SCLT1: variants seen among roughly 807,000 people sequenced by gnomAD.
SCLT1 encodes sodium channel-associated protein 1.
SCLT1 carries 78 observed loss-of-function variants against 112.8 expected under a neutral mutation model. The ratio of observed to expected loss-of-function variants is 0.69; its 90% confidence interval spans 0.58 to 0.83. SCLT1 has a LOEUF of 0.83. SCLT1 is among the 40% of genes least tolerant of loss of function. SCLT1 has a pLI of 0.00. For missense variants in SCLT1, 747 were observed against 770.4 expected, an observed-to-expected ratio of 0.97 and a Z score of 0.36; for synonymous variants, 257 against 254.7, an observed-to-expected ratio of 1.01 and a Z score of -0.09.
chr4:129,046,071 C>T lies in SCLT1; in HGVS notation c.103-2020G>A, dbSNP rs1748149370. ...TTTTTATTCAAGTACTACACACATA[C>T]AGAAGACAGTACAAATTATAAGTAT... On this transcript the variant is annotated intron_variant, in intron 2 of 20. Transcript: ENST00000281142. 2.6e-5 allele frequency among the ~76,000 whole-genome samples: 4 copies of T among 152,098 alleles called. No homozygotes were observed. In the South Asian group the frequency reaches 8.3e-4, roughly 32 times the overall value.
At chr4:129,017,765 G>A (rs115613021) in intron 5 of SCLT1, among the ~76,000 whole-genome samples, 7 of 152,252 alleles carry the variant, frequency 4.6e-5, no homozygotes, top group Admixed American at 1.3e-4. Context: ...TAAATAAAAC[G>A]TTTTGGAGGC....
intron 9 of SCLT1, chr4:128,972,388 G>A (rs1740763798): frequency 1.3e-5 from 2 of 150,436 alleles, no homozygotes; most frequent in South Asian, 4.2e-4. Flanking sequence ...ATATTAGAGT[G>A]TCCTGTAAAC....
chr4:129,010,777 C>T lies in SCLT1; in HGVS notation c.291-6901G>A, dbSNP rs750745382. On this transcript the variant is annotated intron_variant, in intron 5 of 20. Transcript: ENST00000281142. ...TAATTTTTACACATTGATTTTGTAT[C>T]CTGAGAATTTGCTGAAGTTGTTTGT... Among the ~76,000 whole-genome samples the T allele has an allele frequency of 3.5e-4, 54 of 152,140 alleles. 1 individual carries two copies. The highest frequency in any genetic ancestry group is 6.8e-3 in the Middle Eastern group (2 of 294).
intron 5 of SCLT1, among the ~76,000 whole-genome samples, chr4:129,013,048 G>C (rs72924147): frequency 0.019 from 2,946 of 152,072 alleles, 84 homozygotes; most frequent in African/African-American, 0.061. Flanking sequence ...TAGGTAAATG[G>C]ATGTCACAGG....
rs1733278593 is a variant in SCLT1 at position 128,891,101 on chromosome 4, C to G, written c.1866G>C (p.Glu622Asp). Reference protein sequence around the residue: ...ELSRQKLHTQELLSQLEMANE... With the variant: ...ELSRQKLHTQDLLSQLEMANE... The stretch of plus-strand genomic sequence containing the variant: ...TTGCCATTTCCAGCTGAGAAAGCAG[C>G]TCTTGGGTATGAAGTTTCTGTCGAC... The change falls in exon 19 of 21, where the codon GAG becomes GAC. Residue 622 changes from glutamate (E) to aspartate (D), a missense_variant. By Grantham distance (45) the Glu-to-Asp change is conservative. Around this residue, in one of 2 missense-constraint regions of SCLT1, gnomAD observed 723 missense variants for 721.3 expected, o/e 1.00. Transcript: ENST00000281142. The G allele has an allele frequency of 6.2e-7, 1 of 1,613,004 alleles. No individual in the cohort carries two copies. The highest frequency in any genetic ancestry group is 1.1e-5 in the South Asian group (1 of 90,818).
chr4:129,059,022 A>G (rs563207046), intron 2 of SCLT1, among the ~76,000 whole-genome samples: 1 of 152,330 alleles, frequency 6.6e-6, no homozygotes, highest in East Asian at 1.9e-4. Context: ...AATTGAATTC[A>G]TCATTATACA....
chr4:128,920,014 TGAG>T (rs1334430292), intron 18 of SCLT1, among the ~76,000 whole-genome samples: 3 of 152,040 alleles, frequency 2.0e-5, no homozygotes, highest in African/African-American at 7.3e-5. Context: ...TCCAAAAAAT[TGAG>T]GAGAAGGGAC....
downstream of SCLT1, among the ~76,000 whole-genome samples, chr4:128,880,702 A>G (rs142906614): frequency 3.9e-4 from 59 of 152,344 alleles, 1 homozygote; most frequent in African/African-American, 1.3e-3. Flanking sequence ...ATGGAAGTGT[A>G]AACTATAGAA....
At chr4:129,087,801 A>T (rs960505530) in intron 1 of SCLT1, among the ~76,000 whole-genome samples, 4 of 150,936 alleles carry the variant, frequency 2.7e-5, no homozygotes, top group Non-Finnish European at 5.9e-5. Context: ...AAAGCAAAAA[A>T]CCTTCATAGG....
chr4:128,978,135 CT>C (rs1741340659), intron 9 of SCLT1, among the ~76,000 whole-genome samples: 1 of 152,080 alleles, frequency 6.6e-6, no homozygotes, highest in Non-Finnish European at 1.5e-5. Flanking sequence ...AGCCATTCTA[CT>C]TTTATAAGTT....
chr4:128,969,583 A>C (rs554117413), intron 10 of SCLT1, among the ~76,000 whole-genome samples: 8 of 152,160 alleles, frequency 5.3e-5, no homozygotes, highest in African/African-American at 1.9e-4. Context: ...AAAATAAAAT[A>C]AAATAAAATA....
chr4:129,025,728 T>C (rs1745996976), intron 5 of SCLT1, among the ~76,000 whole-genome samples: 3 of 152,124 alleles, frequency 2.0e-5, no homozygotes, highest in African/African-American at 7.2e-5. Flanking sequence ...ATGGACTAAA[T>C]GCTCCAATTA....
At chr4:128,878,751 T>C (rs909240898) in intron 3 of SCLT1, among the ~76,000 whole-genome samples, 1 of 152,192 alleles carries the variant, frequency 6.6e-6, no homozygotes, top group African/African-American at 2.4e-5. Context: ...TCAAAAGAGG[T>C]ATTAAGCTAA....
chr4:129,048,832 C>T (rs1237902013), intron 2 of SCLT1, among the ~76,000 whole-genome samples: 5 of 152,132 alleles, frequency 3.3e-5, no homozygotes, highest in Non-Finnish European at 5.9e-5. Context: ...TATGAACAGA[C>T]ACTTCTCAAA....
chr4:128,968,173 A>C (rs1740374436), intron 10 of SCLT1, among the ~76,000 whole-genome samples: 1 of 152,060 alleles, frequency 6.6e-6, no homozygotes, highest in Non-Finnish European at 1.5e-5. Flanking sequence ...TTCTGCTCCC[A>C]TCCCCCTCCC....
chr4:129,031,360 G>C (rs554692198), intron 5 of SCLT1, among the ~76,000 whole-genome samples: 1 of 152,214 alleles, frequency 6.6e-6, no homozygotes, highest in South Asian at 2.1e-4. Flanking sequence ...GTATGATACT[G>C]AATGGGCAAA....
In SCLT1 at chr4:128,885,069, A is replaced by G. The variant is rs139293640; in HGVS notation, c.2005-530T>C. The stretch of plus-strand genomic sequence containing the variant: ...GGTGATACGCTTAGAATTGTAAAAC[A>G]TATTCCAGATGGATGAAAAACATCT... On this transcript the variant is annotated intron_variant, in intron 20 of 20. Transcript: ENST00000281142. Among the ~76,000 whole-genome samples, 913 of 152,338 alleles carry G rather than the reference A, an allele frequency of 6.0e-3. 8 individuals carry two copies. The highest frequency in any genetic ancestry group is 0.019 in the African/African-American group (794 of 41,578).
Position 128,999,781 on chromosome 4 carries a change from G to T in SCLT1, c.440C>A (p.Ala147Asp). 1 of 1,596,162 alleles carries T rather than the reference G, an allele frequency of 6.3e-7. No individual in the cohort carries two copies. Among genetic ancestry groups the T allele is most frequent in the Non-Finnish European group, 8.5e-7 (1 of 1,171,444 alleles). The change falls in exon 7 of 21, where the codon GCT becomes GAT. Residue 147 changes from alanine to aspartate, a missense_variant. Ala to Asp is a moderately radical substitution (Grantham distance 126). Around this residue, in one of 2 missense-constraint regions of SCLT1, gnomAD observed 723 missense variants for 721.3 expected, o/e 1.00. Coordinates refer to ENST00000281142, the MANE Select transcript of SCLT1 (RefSeq NM_144643.4). ...LQLANQEKTQAVELWQTVSQE... is the reference protein window; with the variant it reads ...LQLANQEKTQDVELWQTVSQE... ...AGAAACAGTCTGCCAGAGTTCCACA[G>T]CCTGAGTTTTTTCCTATTAAAAAAG...
chr4:129,058,532 CTT>C (rs1156730234), intron 2 of SCLT1, among the ~76,000 whole-genome samples: 1 of 152,100 alleles, frequency 6.6e-6, no homozygotes, highest in Non-Finnish European at 1.5e-5. Context: ...TAATGTTCCT[CTT>C]GTTACTGAAT....
Sources: gnomAD v4.1 joint callset for allele counts (sites outside exome capture counted in the v4.1 genomes callset) on GRCh38, gnomAD v4.1.1 for gene constraint, gnomAD v4.1.1 regional missense constraint, MANE v1.5 for transcripts, NCBI Gene and HGNC (gene_info 2026-07-23, HGNC 2026-07-21) for gene names.